The following SLC44A5 variants were observed in gnomAD, a reference collection of about 807,000 sequenced individuals.
SLC44A5 encodes the protein solute carrier family 44 member 5.
In SLC44A5, 57 loss-of-function variants were observed where a neutral mutation model predicts 101.8. The observed-to-expected ratio is 0.56, with a 90% CI of 0.45 to 0.70. The LOEUF is 0.70. Ranked by LOEUF, SLC44A5 falls within the 30% of genes least tolerant of loss-of-function variation. The pLI is 0.00. For synonymous variants in SLC44A5, 281 were observed against 290.9 expected (o/e 0.97, Z 0.35); for missense variants, 737 against 853.1 (o/e 0.86, Z 1.70).
Position 75,222,437 on chromosome 1 carries a change from C to A in SLC44A5, c.1009G>T (p.Val337Leu), listed in dbSNP as rs199948546. The change falls in exon 14 of 24, where the codon GTG becomes TTG. Residue 337 changes from valine to leucine, a missense_variant. By Grantham distance (32) the Val-to-Leu change is conservative. Coordinates refer to ENST00000370859, the MANE Select transcript of SLC44A5 (RefSeq NM_001130058.2). ...TFMIILCIIE[V>L]IVILMLIFLR... ...AAGATCAGCATGAGGATGACAATCA[C>A]TTCAATGATGCAGAGTATTATCACT... The A allele has an allele frequency of 1.7e-5, 28 of 1,612,042 alleles. No individual in the cohort carries two copies. The South Asian group carries it at 3.0e-4, about 17-fold the overall frequency.
rs75429495 is a variant in SLC44A5, at chr1:75,514,943, G to T, written c.13+26492C>A. 5.8e-3 allele frequency among the ~76,000 whole-genome samples: 886 copies of T among 152,214 alleles called. 5 individuals carry two copies. Among genetic ancestry groups the T allele is most frequent in the African/African-American group, 0.02 (848 of 41,542 alleles). ...ATAGACATAAATAAAATCAGAAAAG[G>T]TTTTTTAATCCAAGTAATTTTATTG... On this transcript the variant is annotated intron_variant, in intron 2 of 23. Transcript: ENST00000370859.
the SLC44A5 span, among the ~76,000 whole-genome samples, chr1:75,624,018 C>A: frequency 6.6e-6 from 1 of 152,094 alleles, no homozygotes; most frequent in African/African-American, 2.4e-5. Flanking sequence ...TCCAGGTCTG[C>A]AGCAGGGAAA....
chr1:75,714,739 C>T, the SLC44A5 span, among the ~76,000 whole-genome samples: 13 of 152,160 alleles, frequency 8.5e-5, no homozygotes, highest in African/African-American at 2.9e-4. Flanking sequence ...TGCAGTGGCG[C>T]GATCTCAGCT....
At chr1:75,229,252 A>C (rs1009600307) in intron 12 of SLC44A5, among the ~76,000 whole-genome samples, 1 of 151,938 alleles carries the variant, frequency 6.6e-6, no homozygotes, top group Admixed American at 6.6e-5. Context: ...ACCATGGTCT[A>C]TTCTCAACAC....
intron 19 of SLC44A5, among the ~76,000 whole-genome samples, chr1:75,215,060 AC>A (rs1646934516): frequency 6.6e-6 from 1 of 152,118 alleles, no homozygotes; most frequent in Non-Finnish European, 1.5e-5. Context: ...GAAACCCAAT[AC>A]CTTTCACTAA....
chr1:75,363,028 C>T (rs1158657503), intron 3 of SLC44A5, among the ~76,000 whole-genome samples: 1 of 151,860 alleles, frequency 6.6e-6, no homozygotes, highest in Non-Finnish European at 1.5e-5. Flanking sequence ...TTTGCATATC[C>T]TCTCGATAAA....
chr1:75,296,074 A>T (rs1239459294), intron 5 of SLC44A5, among the ~76,000 whole-genome samples: 1 of 152,110 alleles, frequency 6.6e-6, no homozygotes, highest in Admixed American at 6.5e-5. Flanking sequence ...CAATTATGTA[A>T]ACTTCTTTCT....
chr1:75,535,950 T>C (rs7541214), intron 2 of SLC44A5, among the ~76,000 whole-genome samples: 24,795 of 151,524 alleles, frequency 0.16, 2,200 homozygotes, highest in Admixed American at 0.24. Flanking sequence ...GGTCCATGCC[T>C]GTAATCTCAA....
the SLC44A5 span, among the ~76,000 whole-genome samples, chr1:75,662,728 A>T: frequency 6.6e-6 from 1 of 152,118 alleles, no homozygotes; most frequent in Non-Finnish European, 1.5e-5. Context: ...AATTAAATTT[A>T]GATAGTGTTT....
At chr1:75,595,102 G>T (rs1674560287) in intron 1 of SLC44A5, among the ~76,000 whole-genome samples, 1 of 151,908 alleles carries the variant, frequency 6.6e-6, no homozygotes. Context: ...AAGAAAGAAA[G>T]GGAGGTAGGG....
intron 2 of SLC44A5, among the ~76,000 whole-genome samples, chr1:75,477,038 T>C (rs1282854852): frequency 6.6e-6 from 1 of 152,172 alleles, no homozygotes; most frequent in Non-Finnish European, 1.5e-5. Context: ...CAGGACCCGG[T>C]ACTCCTCTGA....
At chr1:75,479,473 G>T (rs2101765523) in intron 2 of SLC44A5, among the ~76,000 whole-genome samples, 1 of 152,184 alleles carries the variant, frequency 6.6e-6, no homozygotes, top group East Asian at 1.9e-4. Flanking sequence ...CTGGTTTTTT[G>T]AAAGGATCAA....
intron 3 of SLC44A5, among the ~76,000 whole-genome samples, chr1:75,354,313 T>C (rs1394509171): frequency 1.3e-5 from 2 of 152,188 alleles, no homozygotes; most frequent in Non-Finnish European, 2.9e-5. Context: ...AACTTCTTGA[T>C]TGGTGGAATA....
chr1:75,710,170 T>G, the SLC44A5 span: 1 of 152,174 alleles, frequency 6.6e-6, no homozygotes, highest in Admixed American at 6.5e-5. Flanking sequence ...TGGTGATGGT[T>G]TCACAGGTGT....
chr1:75,442,949 C>T (rs896057959), intron 2 of SLC44A5, among the ~76,000 whole-genome samples: 1 of 152,106 alleles, frequency 6.6e-6, no homozygotes, highest in African/African-American at 2.4e-5. Flanking sequence ...ATGCATACTT[C>T]CACATACTTC....
the SLC44A5 span, among the ~76,000 whole-genome samples, chr1:75,617,819 C>T: frequency 2.0e-5 from 3 of 152,174 alleles, no homozygotes; most frequent in African/African-American, 7.2e-5. Flanking sequence ...TAATATTAGA[C>T]TTTGTAAATA....
intron 2 of SLC44A5, among the ~76,000 whole-genome samples, chr1:75,480,550 CA>C (rs1667774430): frequency 6.6e-6 from 1 of 152,112 alleles, no homozygotes; most frequent in South Asian, 2.1e-4. Flanking sequence ...GCAACTTCAG[CA>C]AAATCTCAGG....
chr1:75,503,606 T>C (rs1301285489), intron 2 of SLC44A5, among the ~76,000 whole-genome samples: 4 of 152,312 alleles, frequency 2.6e-5, no homozygotes, highest in Middle Eastern at 6.8e-3. Flanking sequence ...TAGTTCTTTA[T>C]AGCAGTGTGA....
At chr1:75,501,142 T>C (rs1297988533) in intron 2 of SLC44A5, among the ~76,000 whole-genome samples, 1 of 151,880 alleles carries the variant, frequency 6.6e-6, no homozygotes, top group Non-Finnish European at 1.5e-5. Context: ...GAAGAGAAGA[T>C]TTAATTTAGT....
Sources: allele counts gnomAD v4.1 joint callset (sites outside exome capture counted in the v4.1 genomes callset), GRCh38; gene constraint gnomAD v4.1.1; transcripts MANE v1.5; gene names NCBI Gene and HGNC (gene_info 2026-07-23, HGNC 2026-07-21).